The following GRM3 variants were observed in gnomAD, a reference collection of about 807,000 sequenced individuals.
GRM3 encodes metabotropic glutamate receptor 3.
In GRM3, 26 loss-of-function variants were observed where a neutral mutation model predicts 70.5. The observed-to-expected ratio is 0.37, with a 90% CI of 0.27 to 0.51. The LOEUF is 0.51. Among genes scored for constraint, GRM3 ranks in the 20% least tolerant of loss-of-function variants. The pLI, the probability that GRM3 is intolerant of heterozygous loss-of-function variation, is 0.93. For synonymous variants in GRM3, 443 were observed against 434.9 expected (o/e 1.02, Z -0.23); for missense variants, 859 against 1,123.8 (o/e 0.76, Z 3.37).
At chr7:86,652,531 G>GT (rs1180857518) in intron 1 of GRM3, among the ~76,000 whole-genome samples, 2 of 151,930 alleles carry the variant, frequency 1.3e-5, no homozygotes, top group Non-Finnish European at 2.9e-5. Flanking sequence ...GGGTTTCACC[G>GT]TGTTTGCTAG....
At chr7:86,733,705 G>A (rs551289704) in intron 1 of GRM3, among the ~76,000 whole-genome samples, 10 of 152,206 alleles carry the variant, frequency 6.6e-5, no homozygotes, top group South Asian at 2.1e-4. Context: ...GGTGAGTGGC[G>A]AATAGCTGGA....
At chr7:86,700,660 CAATT>C (rs1325849410) in intron 1 of GRM3, among the ~76,000 whole-genome samples, 1 of 151,784 alleles carries the variant, frequency 6.6e-6, no homozygotes, top group Admixed American at 6.6e-5. Context: ...ACACAGAAAA[CAATT>C]AAGGAAGCCA....
chr7:86,836,278 T>G (rs1025502314), intron 3 of GRM3, among the ~76,000 whole-genome samples: 7 of 152,158 alleles, frequency 4.6e-5, no homozygotes, highest in Non-Finnish European at 1.0e-4. Flanking sequence ...CCCAACAGTT[T>G]TTCTTCTATG....
chr7:86,706,484 G>C lies in GRM3; in HGVS notation c.-140-58522G>C, dbSNP rs116845489. Among the ~76,000 whole-genome samples, 214 of 152,176 alleles carry C rather than the reference G, an allele frequency of 1.4e-3. 1 individual carries two copies. The East Asian group carries it at 0.036, about 26-fold the overall frequency. ...TTCAGAATAGGGGAGGTCACTTCCAGTTGGTGTTAGTCAAAGCAGGCTTTA... is the reference window on the plus strand; with the variant it reads ...TTCAGAATAGGGGAGGTCACTTCCACTTGGTGTTAGTCAAAGCAGGCTTTA... On this transcript the variant is annotated intron_variant, in intron 1 of 5. Coordinates refer to ENST00000361669, the MANE Select transcript of GRM3 (RefSeq NM_000840.3).
chr7:86,797,178 G>A (rs531481579), intron 3 of GRM3, among the ~76,000 whole-genome samples: 2 of 152,320 alleles, frequency 1.3e-5, no homozygotes, highest in Admixed American at 6.5e-5. Context: ...AAATGTGGAA[G>A]CGACTTTGGA....
intron 5 of GRM3, among the ~76,000 whole-genome samples, chr7:86,860,061 C>T (rs1230136914): frequency 6.6e-6 from 1 of 152,178 alleles, no homozygotes; most frequent in African/African-American, 2.4e-5. Flanking sequence ...CCAATAGTTA[C>T]TATTTACCCC....
chr7:86,711,167 A>AT (rs1237612737), intron 1 of GRM3, among the ~76,000 whole-genome samples: 2 of 151,522 alleles, frequency 1.3e-5, no homozygotes, highest in African/African-American at 4.8e-5. Flanking sequence ...CTCTAATTTA[A>AT]TTTAATTTAA....
rs1017656194 is a variant in GRM3, at chr7:86,758,447, C to G, written c.-140-6559C>G. On this transcript the variant is annotated intron_variant, in intron 1 of 5. Transcript: ENST00000361669. ...GGATCACAGGGAATTTGGAGAGGCT[C>G]TAATTCAGAGGCTTTGTAATGAGGG... Among the ~76,000 whole-genome samples the G allele has an allele frequency of 3.3e-5, 5 of 152,226 alleles. No individual in the cohort carries two copies. In the South Asian group the frequency reaches 1.0e-3, roughly 32 times the overall value.
At chr7:86,691,672 C>A (rs1362811953) in intron 1 of GRM3, among the ~76,000 whole-genome samples, 1 of 152,106 alleles carries the variant, frequency 6.6e-6, no homozygotes, top group Non-Finnish European at 1.5e-5. Flanking sequence ...AATGCCTTTA[C>A]CATGGGAGTA....
At chr7:86,807,520 G>A (rs962907319) in intron 3 of GRM3, among the ~76,000 whole-genome samples, 4 of 151,656 alleles carry the variant, frequency 2.6e-5, no homozygotes, top group African/African-American at 9.7e-5. Flanking sequence ...GTGAATGGGA[G>A]TTCACTCATG....
At chr7:86,753,600 T>C (rs1219767273) in intron 1 of GRM3, among the ~76,000 whole-genome samples, 1 of 152,190 alleles carries the variant, frequency 6.6e-6, no homozygotes, top group Non-Finnish European at 1.5e-5. Context: ...TTTTAAGCTC[T>C]TCTATTTCCT....
At chr7:86,677,889 A>C (rs1220062994) in intron 1 of GRM3, among the ~76,000 whole-genome samples, 1 of 152,032 alleles carries the variant, frequency 6.6e-6, no homozygotes, top group African/African-American at 2.4e-5. Flanking sequence ...TCTGATAAGG[A>C]GATTTGAAGC....
At chr7:86,695,730 A>G (rs945743686) in intron 1 of GRM3, among the ~76,000 whole-genome samples, 4 of 152,212 alleles carry the variant, frequency 2.6e-5, no homozygotes, top group African/African-American at 9.7e-5. Flanking sequence ...ATTAAAGGAG[A>G]TAAAGTGTTA....
intron 1 of GRM3, among the ~76,000 whole-genome samples, chr7:86,667,537 C>T (rs1416285582): frequency 1.3e-5 from 2 of 152,102 alleles, no homozygotes; most frequent in Non-Finnish European, 2.9e-5. Context: ...GTCACAGCAT[C>T]ATATTCCAGC....
At position 86,784,208 on chromosome 7, in the gene GRM3, A is replaced by G. The variant is rs183687054; in HGVS notation, c.469-2053A>G. ...ATGAAGCCTATCATTGAAAAACAAG[A>G]ACTTTTTTGTTTTTTTTTTGAGCAG... On this transcript the variant is annotated intron_variant, in intron 2 of 5. Coordinates refer to ENST00000361669, the MANE Select transcript of GRM3 (RefSeq NM_000840.3). The G allele has an allele frequency of 4.5e-4, 67 of 149,442 alleles. 1 individual carries two copies. The highest frequency in any genetic ancestry group is 1.7e-3 in the African/African-American group (65 of 39,210). The allele number at this position is 149,442 out of a possible 1,614,324, so 9.3% of individuals were successfully genotyped here.
chr7:86,692,898 C>A (rs1305586425), intron 1 of GRM3, among the ~76,000 whole-genome samples: 1 of 152,072 alleles, frequency 6.6e-6, no homozygotes, highest in Non-Finnish European at 1.5e-5. Context: ...GGGCTCAGGA[C>A]ATGAAAAGAC....
intron 1 of GRM3, among the ~76,000 whole-genome samples, chr7:86,676,492 C>T (rs1226989949): frequency 6.6e-6 from 1 of 151,860 alleles, no homozygotes; most frequent in South Asian, 2.1e-4. Context: ...CAGAATAAAA[C>T]TAATAGACAT....
At chr7:86,752,579 G>GTCAA (rs1796255605) in intron 1 of GRM3, among the ~76,000 whole-genome samples, 1 of 152,054 alleles carries the variant, frequency 6.6e-6, no homozygotes, top group Admixed American at 6.6e-5. Flanking sequence ...GATAGTAGGG[G>GTCAA]TCAATATTCC....
intron 1 of GRM3, among the ~76,000 whole-genome samples, chr7:86,755,331 G>T (rs1306153721): frequency 1.3e-5 from 2 of 152,098 alleles, no homozygotes; most frequent in South Asian, 2.1e-4. Context: ...AGTCAATTCA[G>T]GTATGACATT....
Sources: allele counts gnomAD v4.1 joint callset (sites outside exome capture counted in the v4.1 genomes callset), GRCh38; gene constraint gnomAD v4.1.1; transcripts MANE v1.5; gene names NCBI Gene and HGNC (gene_info 2026-07-23, HGNC 2026-07-21).